SGCD: variants seen among roughly 807,000 people sequenced by gnomAD.
The protein encoded by SGCD is sarcoglycan delta, also known as delta-sarcoglycan.
Under a neutral mutation model 36.6 loss-of-function variants are expected in SGCD, and 18 were observed. That is an observed-to-expected ratio of 0.49 (90% CI 0.34 to 0.73). The LOEUF (loss-of-function observed/expected upper bound fraction) is 0.73, where lower values mean the gene tolerates loss of function less well. Ranked by LOEUF, SGCD falls within the 30% of genes least tolerant of loss-of-function variation. The probability of loss-of-function intolerance (pLI) is 0.01; values close to 1 mark genes in which losing one functional copy is unlikely to be tolerated. For synonymous variants in SGCD, 133 were observed against 130.6 expected (o/e 1.02, Z -0.12); for missense variants, 387 against 346.7 (o/e 1.12, Z -0.92).
intron 3 of SGCD, among the ~76,000 whole-genome samples, chr5:156,372,187 A>G (rs1218743472): frequency 6.6e-6 from 1 of 152,232 alleles, no homozygotes; most frequent in Admixed American, 6.5e-5. Context: ...TTATAATGGA[A>G]AAGAGCAAAA....
At chr5:156,038,167 G>T (rs116726183) in intron 1 of SGCD, among the ~76,000 whole-genome samples, 1 of 152,104 alleles carries the variant, frequency 6.6e-6, no homozygotes, top group South Asian at 2.1e-4. Context: ...CAATGAGAAG[G>T]CATCCTTCCC....
intron 3 of SGCD, among the ~76,000 whole-genome samples, chr5:156,436,455 G>A (rs915815443): frequency 1.3e-5 from 2 of 152,178 alleles, no homozygotes; most frequent in Non-Finnish European, 2.9e-5. Context: ...TTTGACTCAC[G>A]GCTTTGCTAG....
chr5:156,579,757 A>G (rs1045015797), intron 4 of SGCD, among the ~76,000 whole-genome samples: 6 of 151,488 alleles, frequency 4.0e-5, no homozygotes, highest in African/African-American at 1.5e-4. Flanking sequence ...TTTGTTTTCC[A>G]TTTGCTTGGT....
chr5:156,507,962 G>A (rs1262538458), intron 3 of SGCD, among the ~76,000 whole-genome samples: 1 of 152,114 alleles, frequency 6.6e-6, no homozygotes, highest in African/African-American at 2.4e-5. Context: ...GTGGTAATGG[G>A]ATTATTGTTA....
At chr5:156,191,672 A>C (rs551249731) in intron 3 of SGCD, among the ~76,000 whole-genome samples, 1 of 152,266 alleles carries the variant, frequency 6.6e-6, no homozygotes, top group African/African-American at 2.4e-5. Flanking sequence ...CTTAGTGGCT[A>C]TACAGGTGCA....
chr5:156,591,269 A>G (rs1760713503), intron 5 of SGCD, among the ~76,000 whole-genome samples: 1 of 152,210 alleles, frequency 6.6e-6, no homozygotes. Context: ...AGGAATAAAG[A>G]ATTCTGTTTA....
At chr5:156,707,227 G>A (rs1354145950) in intron 7 of SGCD, among the ~76,000 whole-genome samples, 2 of 152,050 alleles carry the variant, frequency 1.3e-5, no homozygotes, top group Non-Finnish European at 2.9e-5. Flanking sequence ...ATCTATTCCT[G>A]TCTGTATACC....
At chr5:156,697,556 C>T (rs886609830) in intron 7 of SGCD, among the ~76,000 whole-genome samples, 1 of 152,174 alleles carries the variant, frequency 6.6e-6, no homozygotes, top group Non-Finnish European at 1.5e-5. Flanking sequence ...AGTTCTCCTT[C>T]AGCAGCCAAA....
chr5:155,825,059 T>A, the SGCD span, among the ~76,000 whole-genome samples: 1 of 152,174 alleles, frequency 6.6e-6, no homozygotes, highest in Non-Finnish European at 1.5e-5. Flanking sequence ...AACTATCATT[T>A]TTTAAAATCA....
Position 156,344,656 on chromosome 5 carries a change from CAA to C in SGCD, c.173_174del (p.Lys58SerfsTer7). ...ACTTGGCCATGACCATCTGGATTCT[CAA>C]AGTCATGAACTTCACAATTGTAAGT... ...VNLAMTIWIL[K>X]VMNFTIDGMG... On this transcript the variant is annotated frameshift_variant, in exon 3 of 9. Coordinates refer to ENST00000337851, the MANE Select transcript of SGCD (RefSeq NM_000337.6). LOFTEE classifies it high-confidence loss of function. The C allele has an allele frequency of 6.2e-7, 1 of 1,605,474 alleles. No individual in the cohort carries two copies. Among genetic ancestry groups the C allele is most frequent in the Non-Finnish European group, 8.5e-7 (1 of 1,176,150 alleles).
At chr5:156,707,243 G>A (rs1052797315) in intron 7 of SGCD, among the ~76,000 whole-genome samples, 15 of 152,084 alleles carry the variant, frequency 9.9e-5, no homozygotes, top group Non-Finnish European at 2.1e-4. Context: ...ATACCAGGGT[G>A]GCATTTTAGT....
At chr5:156,530,452 C>T (rs1401152329) in intron 4 of SGCD, among the ~76,000 whole-genome samples, 3 of 152,134 alleles carry the variant, frequency 2.0e-5, no homozygotes, top group Non-Finnish European at 4.4e-5. Context: ...TGCTAACAAG[C>T]CAAAGTCTTT....
intron 1 of SGCD, among the ~76,000 whole-genome samples, chr5:155,976,503 C>T (rs569638818): frequency 6.6e-6 from 1 of 152,352 alleles, no homozygotes; most frequent in East Asian, 1.9e-4. Flanking sequence ...AACACAGGCT[C>T]ATGGCATGCC....
chr5:155,773,015 G>A, the SGCD span, among the ~76,000 whole-genome samples: 4 of 152,152 alleles, frequency 2.6e-5, no homozygotes, highest in South Asian at 2.1e-4. Flanking sequence ...CACTCTCTAC[G>A]TTAGTAAGTA....
At chr5:156,275,342 T>TA (rs1407914122) in intron 3 of SGCD, among the ~76,000 whole-genome samples, 1 of 152,278 alleles carries the variant, frequency 6.6e-6, no homozygotes, top group Admixed American at 6.5e-5. Flanking sequence ...ATTTTTCTCA[T>TA]AAAAAATAAT....
chr5:156,179,876 G>A (rs182767487), intron 3 of SGCD, among the ~76,000 whole-genome samples: 2 of 151,950 alleles, frequency 1.3e-5, no homozygotes, highest in Admixed American at 6.6e-5. Context: ...TACCTGCCTG[G>A]GCCTCCCAAA....
intron 1 of SGCD, among the ~76,000 whole-genome samples, chr5:155,899,623 ATTAAAAATGCTCT>A (rs550334395): frequency 3.7e-4 from 56 of 152,304 alleles, no homozygotes; most frequent in African/African-American, 7.9e-4. Context: ...ATGGGATGAT[ATTAAAAATGCTCT>A]TTGCTGCATG....
intron 3 of SGCD, among the ~76,000 whole-genome samples, chr5:156,209,137 T>C (rs1764369323): frequency 6.6e-6 from 1 of 152,082 alleles, no homozygotes; most frequent in Admixed American, 6.6e-5. Flanking sequence ...ATAACACCCA[T>C]GAGCAAAGCC....
intron 6 of SGCD, among the ~76,000 whole-genome samples, chr5:156,616,707 C>T (rs138111785): frequency 3.3e-4 from 51 of 152,294 alleles, no homozygotes; most frequent in African/African-American, 1.1e-3. Context: ...GCTCAAACAT[C>T]GCCTTATCAA....
Sources: gnomAD v4.1 joint callset for allele counts (sites outside exome capture counted in the v4.1 genomes callset) on GRCh38, gnomAD v4.1.1 for gene constraint, MANE v1.5 for transcripts, NCBI Gene and HGNC (gene_info 2026-07-23, HGNC 2026-07-21) for gene names.